Variants in AMOTL2 observed in about 807,000 individuals in gnomAD.
AMOTL2 encodes angiomotin-like protein 2.
A neutral mutation model predicts 78.4 loss-of-function variants in AMOTL2; 33 were observed. That is an observed-to-expected ratio of 0.42 (90% confidence interval 0.32 to 0.56). AMOTL2 has a LOEUF of 0.56. Ranked by LOEUF, AMOTL2 falls within the 20% of genes least tolerant of loss-of-function variation. The pLI is 0.12. For synonymous variants in AMOTL2, 422 were observed against 428.8 expected (o/e 0.98, Z 0.20); for missense variants, 983 against 1,030.1 (o/e 0.95, Z 0.63).
chr3:134,367,752 G>C lies in AMOTL2; in HGVS notation c.786C>G (p.Tyr262Ter). 1 of 1,613,796 alleles carries C rather than the reference G, an allele frequency of 6.2e-7. No individual in the cohort carries two copies. The highest frequency in any genetic ancestry group is 8.5e-7 in the Non-Finnish European group (1 of 1,180,010). The part of the protein sequence containing the change: ...PPVFLQQQQQ[Y>*]QYLQQSQEHP... ...GCTCCTGAGATTGCTGCAGGTACTG[G>C]TACTGCTGCTGCTGTTGGAGGAACA... Residue 262 changes from tyrosine (Y) to a stop codon, truncating the protein, a stop_gained, in exon 3 of 10, where the codon TAC becomes TAG. Transcript: ENST00000249883. LOFTEE classifies it high-confidence loss of function.
At chr3:134,373,468 A>G (rs866011562) in intron 1 of AMOTL2, 1 of 985,390 alleles carries the variant, frequency 1.0e-6, no homozygotes, top group Middle Eastern at 5.2e-4. Context: ...CAGACATCAA[A>G]CGCCTGGGCC....
At chr3:134,375,191 A>G, upstream of AMOTL2, 6 of 1,535,614 alleles carry the variant, frequency 3.9e-6, no homozygotes, top group Non-Finnish European at 4.4e-6. Context: ...CACCTACCCA[A>G]CTGAATCACC....
chr3:134,370,451 T>A (rs2017798028), intron 2 of AMOTL2, among the ~76,000 whole-genome samples: 1 of 152,240 alleles, frequency 6.6e-6, no homozygotes, highest in African/African-American at 2.4e-5. Flanking sequence ...GGACTCTAGT[T>A]ACTTGAATGC....
rs570965109 is a variant in AMOTL2 at position 134,360,391 on chromosome 3, C to G, written c.1598G>C (p.Gly533Ala). The change falls in exon 7 of 10, where the codon GGT (glycine) becomes GCT (alanine). Residue 533 changes from glycine (G) to alanine (A), a missense_variant. Gly to Ala is a moderately conservative substitution (Grantham distance 60). Transcript: ENST00000249883. ...AQQRQAGAPG[G>A]SSGSGGSPEL... is the part of the protein sequence containing the mutation. ...TGGAGACCCACCACTGCCACTGCTA[C>G]CACCTGGGGCACCTGCCTGTCTCTG... is the stretch of plus-strand genomic sequence containing the variant. The G allele has an allele frequency of 6.2e-7, 1 of 1,612,180 alleles. No individual in the cohort carries two copies. The highest frequency in any genetic ancestry group is 1.1e-5 in the South Asian group (1 of 91,020).
At chr3:134,371,545 T>A in intron 1 of AMOTL2, 51 bp from the exon 2 acceptor site, 1 of 1,534,918 alleles carries the variant, frequency 6.5e-7, no homozygotes, top group Non-Finnish European at 8.7e-7. Flanking sequence ...TGGGAACCCA[T>A]GGGAAAGGAG....
At chr3:134,367,346 A>T in intron 3 of AMOTL2, 151 bp downstream of exon 3, 1 of 900,000 alleles carries the variant, frequency 1.1e-6, no homozygotes, top group Non-Finnish European at 1.7e-6. Context: ...AGGGTGCATG[A>T]GGAGTGAGGG....
chr3:134,356,716 T>TGG lies in AMOTL2; in HGVS notation c.*987_*988dup, dbSNP rs908216470. 1 of 152,500 alleles carries TGG rather than the reference T, an allele frequency of 6.6e-6. No homozygotes were observed. Among genetic ancestry groups the TGG allele is most frequent in the African/African-American group, 2.4e-5 (1 of 41,382 alleles). The allele number at this position is 152,500 out of a possible 1,614,324, so 9.4% of individuals were successfully genotyped here. On this transcript the variant is annotated 3_prime_UTR_variant, in exon 10 of 10. Coordinates refer to ENST00000249883, the MANE Select transcript of AMOTL2 (RefSeq NM_016201.4). ...CCGGGTAGGGCCACCGAAGCCCACC[T>TGG]GGGGGCATGGCAGATGTCTGTTCAC... is the stretch of plus-strand genomic sequence containing the variant.
chr3:134,369,171 C>A (rs1000844344), intron 2 of AMOTL2, among the ~76,000 whole-genome samples: 2 of 152,206 alleles, frequency 1.3e-5, no homozygotes, highest in African/African-American at 2.4e-5. Context: ...ATTTCTCCTA[C>A]TACCTAAGGT....
rs1383175852 is a variant in AMOTL2 at position 134,356,641 on chromosome 3, A to T, written c.*1064T>A. ...CTCCCAAACCCTCCAGGTGGGAATGAAGACACTTATGCTAACAAGACATCT... is the reference window on the plus strand; with the variant it reads ...CTCCCAAACCCTCCAGGTGGGAATGTAGACACTTATGCTAACAAGACATCT... On this transcript the variant is annotated 3_prime_UTR_variant, in exon 10 of 10. Coordinates refer to ENST00000249883, the MANE Select transcript of AMOTL2 (RefSeq NM_016201.4). 2 of 152,656 alleles carry T rather than the reference A, an allele frequency of 1.3e-5. No individual in the cohort carries two copies. Among genetic ancestry groups the T allele is most frequent in the East Asian group, 3.8e-4 (2 of 5,200 alleles). The allele number at this position is 152,656 out of a possible 1,614,324, so 9.5% of individuals were successfully genotyped here. A position where few individuals can be genotyped will look rare whatever the true frequency, so the allele number is the denominator to read the frequency against.
chr3:134,370,807 G>C lies in AMOTL2; in HGVS notation c.627C>G (p.Pro209=), dbSNP rs1437848060. Residue 209 remains proline (P), a synonymous_variant, in exon 2 of 10, where the codon CCC becomes CCG. Coordinates refer to ENST00000249883, the MANE Select transcript of AMOTL2 (RefSeq NM_016201.4). ...PPAEGPESRG[P]PPQYPHVVLA... ...GTACAACATGAGGGTACTGAGGTGGGGGTCCTCGGGACTCTGGGCCCTCAG... is the reference window on the plus strand; with the variant it reads ...GTACAACATGAGGGTACTGAGGTGGCGGTCCTCGGGACTCTGGGCCCTCAG... 4.5e-6 allele frequency: 7 copies of C among 1,563,206 alleles called. No individual in the cohort carries two copies. The highest frequency in any genetic ancestry group is 4.5e-5 in the East Asian group (2 of 44,348).
rs762518536 is a variant in AMOTL2 at position 134,370,873 on chromosome 3, C to T, written c.561G>A (p.Leu187=). ...GTGGGGGGCCCTGCTGGTTGCGGGC[C>T]AGCTGTGGGAAGCTGTGGGAGGAGC... The part of the protein sequence containing the change: ...HMSSSHSFPQ[L]ARNQQGPPLR... The change falls in exon 2 of 10, where the codon CTG becomes CTA. Residue 187 remains leucine, a synonymous_variant. Transcript: ENST00000249883. The T allele has an allele frequency of 5.0e-6, 8 of 1,608,914 alleles. No individual in the cohort carries two copies. The highest frequency in any genetic ancestry group is 6.8e-6 in the Non-Finnish European group (8 of 1,176,672).
At chr3:134,358,025 C>G (rs2017149128) in intron 9 of AMOTL2, among the ~76,000 whole-genome samples, 1 of 152,176 alleles carries the variant, frequency 6.6e-6, no homozygotes, top group African/African-American at 2.4e-5. Context: ...ATGGAGAGCC[C>G]TGAGGGAGGC....
chr3:134,368,723 A>G (rs2017718024), intron 2 of AMOTL2, among the ~76,000 whole-genome samples: 1 of 152,170 alleles, frequency 6.6e-6, no homozygotes, highest in Non-Finnish European at 1.5e-5. Context: ...TTTAGAGAAC[A>G]AATGTGGCCC....
chr3:134,368,669 C>G (rs1003253959), intron 2 of AMOTL2, among the ~76,000 whole-genome samples: 1 of 152,154 alleles, frequency 6.6e-6, no homozygotes, highest in African/African-American at 2.4e-5. Flanking sequence ...ATAATGGTGG[C>G]CCATCCTCCA....
upstream of AMOTL2, chr3:134,375,342 A>T: frequency 1.8e-6 from 2 of 1,106,788 alleles, no homozygotes; most frequent in Non-Finnish European, 2.6e-6. Flanking sequence ...GAGTTCTGTT[A>T]TCATCCCTGT....
intron 3 of AMOTL2, 184 bp from the exon 4 acceptor site, chr3:134,366,611 TG>T (rs1344713426): frequency 1.7e-6 from 1 of 596,790 alleles, no homozygotes; most frequent in African/African-American, 1.9e-5. Flanking sequence ...AATAGACTGC[TG>T]GGACCAGCAA....
chr3:134,373,728 G>A, intron 1 of AMOTL2: 3 of 985,466 alleles, frequency 3.0e-6, no homozygotes, highest in Non-Finnish European at 3.6e-6. Flanking sequence ...GCGAGCCGGT[G>A]AGGGTAGCCC....
intron 2 of AMOTL2, among the ~76,000 whole-genome samples, 185 bp downstream of exon 2, chr3:134,370,515 T>G (rs1406467247): frequency 6.6e-6 from 1 of 152,188 alleles, no homozygotes; most frequent in Non-Finnish European, 1.5e-5. Flanking sequence ...GGGACACCAC[T>G]AACTTCTTAG....
Position 134,360,292 on chromosome 3 carries a change from A to C in AMOTL2, c.1697T>G (p.Met566Arg). 6.2e-7 allele frequency: 1 copy of C among 1,614,208 alleles called. No homozygotes were observed. Reference protein sequence around the residue: ...EEQILALEADMTKWEQKYLEE... With the variant: ...EEQILALEADRTKWEQKYLEE... ...CAAATACTTCTGCTCCCACTTGGTC[A>C]TGTCGGCCTCCAGCGCCAGGATCTG... The change falls in exon 7 of 10, where the codon ATG becomes AGG. Residue 566 changes from methionine (M) to arginine (R), a missense_variant. Transcript: ENST00000249883.
Sources: gnomAD v4.1 joint callset for allele counts (sites outside exome capture counted in the v4.1 genomes callset) on GRCh38, gnomAD v4.1.1 for gene constraint, MANE v1.5 for transcripts, NCBI Gene and HGNC (gene_info 2026-07-23, HGNC 2026-07-21) for gene names.